The following EVI5 variants were observed in gnomAD, a reference collection of about 807,000 sequenced individuals.
EVI5 encodes ecotropic viral integration site 5.
In EVI5, 73 loss-of-function variants were observed where a neutral mutation model predicts 112.0. The ratio of observed to expected loss-of-function variants is 0.65; its 90% CI spans 0.54 to 0.79. EVI5 has a LOEUF of 0.79. Among genes scored for constraint, EVI5 ranks in the 30% least tolerant of loss-of-function variants. EVI5 has a pLI of 0.00. For missense variants in EVI5, 900 were observed against 968.8 expected (o/e 0.93, Z 0.94); for synonymous variants, 305 against 319.9 (o/e 0.95, Z 0.50).
rs199712285 is a variant in EVI5, at chr1:92,624,333, C to T, written c.1670G>A (p.Arg557His). 25 of 1,611,080 alleles carry T rather than the reference C, an allele frequency of 1.6e-5. No individual in the cohort carries two copies. Among genetic ancestry groups the T allele is most frequent in the Admixed American group, 3.4e-5 (2 of 59,402 alleles). The change falls in exon 16 of 20, where the codon CGC (arginine) becomes CAC (histidine). Residue 557 changes from arginine (R) to histidine (H), a missense_variant and splice_region_variant. Physicochemically the swap from Arg to His is conservative, Grantham distance 29 (BLOSUM62 0). Coordinates refer to ENST00000684568, the MANE Select transcript of EVI5 (RefSeq NM_001350197.2). ...TCTCCCAGTAGTACGAGCTAAGTGG[C>T]GCTAAAGCATAAAAAATTATATTGC... ...QVKDLEEHWQ[R>H]HLARTTGRWK...
At position 92,633,255 on chromosome 1, in the gene EVI5, C is replaced by T. The variant is rs183391100; in HGVS notation, c.1527+2947G>A. ...TTAACTTTCTGTCTCACTGATCTGT[C>T]TAATGTTGACAGTGGGGTGTTAAAG... On this transcript the variant is annotated intron_variant, in intron 14 of 19. Coordinates refer to ENST00000684568, the MANE Select transcript of EVI5 (RefSeq NM_001350197.2). 4.1e-3 allele frequency among the ~76,000 whole-genome samples: 624 copies of T among 152,256 alleles called. 2 individuals carry two copies. Among genetic ancestry groups the T allele is most frequent in the Non-Finnish European group, 5.6e-3 (384 of 68,034 alleles).
At chr1:92,626,691 T>C (rs1655747089) in intron 14 of EVI5, among the ~76,000 whole-genome samples, 1 of 152,308 alleles carries the variant, frequency 6.6e-6, no homozygotes, top group South Asian at 2.1e-4. Flanking sequence ...GAAATCTAAC[T>C]CTGATTTGTT....
rs140292439 is a variant in EVI5, at chr1:92,546,583, C to T, written c.2166+17059G>A. Among the ~76,000 whole-genome samples, 417 of 152,188 alleles carry T rather than the reference C, an allele frequency of 2.7e-3. 5 individuals are homozygous for T. The highest frequency in any genetic ancestry group is 9.0e-3 in the African/African-American group (372 of 41,504). On this transcript the variant is annotated intron_variant, in intron 19 of 19. Transcript: ENST00000684568. ...TGGTGGCACACGCATGTAATACCAG[C>T]TACTCAGGAGGCTGAGGCAGGAGAA...
chr1:92,787,081 A>G (rs1428610779), upstream of EVI5, among the ~76,000 whole-genome samples: 1 of 152,152 alleles, frequency 6.6e-6, no homozygotes. Flanking sequence ...TATATTGGTG[A>G]ATTTTTTACT....
intron 1 of EVI5, chr1:92,784,425 T>C (rs1421158532): frequency 4.1e-6 from 4 of 985,192 alleles, no homozygotes; most frequent in Middle Eastern, 5.2e-4. Flanking sequence ...ACGCCAACTT[T>C]GCAAGTCAGG....
intron 2 of EVI5, among the ~76,000 whole-genome samples, chr1:92,713,614 A>AGTGAAACCCCATCTCTACC (rs1298169321): frequency 2.4e-4 from 37 of 152,094 alleles, no homozygotes; most frequent in Admixed American, 1.5e-3. Context: ...CATCTCTACC[A>AGTGAAACCCCATCTCTACC]AAAACTACAA....
At chr1:92,588,138 C>A (rs542461608) in intron 18 of EVI5, among the ~76,000 whole-genome samples, 3 of 152,342 alleles carry the variant, frequency 2.0e-5, no homozygotes, top group African/African-American at 7.2e-5. Context: ...TTTTTAACCT[C>A]ATTTCCCTCC....
intron 9 of EVI5, among the ~76,000 whole-genome samples, chr1:92,679,646 T>C (rs1200366090): frequency 6.6e-6 from 1 of 152,208 alleles, no homozygotes; most frequent in Non-Finnish European, 1.5e-5. Flanking sequence ...TGGTACATTG[T>C]TATAATTAAT....
intron 1 of EVI5, among the ~76,000 whole-genome samples, chr1:92,777,100 C>T (rs1041660062): frequency 6.6e-6 from 1 of 152,044 alleles, no homozygotes; most frequent in Non-Finnish European, 1.5e-5. Flanking sequence ...CTGCACCCAG[C>T]CAATTTTTTG....
At chr1:92,542,048 C>T (rs199628713) in intron 19 of EVI5, among the ~76,000 whole-genome samples, 1 of 152,176 alleles carries the variant, frequency 6.6e-6, no homozygotes, top group East Asian at 1.9e-4. Flanking sequence ...GTTTGCTGCA[C>T]TTCCTCACTC....
At chr1:92,729,975 T>C (rs2102760731) in intron 2 of EVI5, among the ~76,000 whole-genome samples, 1 of 152,242 alleles carries the variant, frequency 6.6e-6, no homozygotes, top group Admixed American at 6.5e-5. Context: ...ATTATCAGAC[T>C]GAAAGAAGAA....
chr1:92,551,817 G>A (rs1210131028), intron 19 of EVI5, among the ~76,000 whole-genome samples: 2 of 151,908 alleles, frequency 1.3e-5, no homozygotes, highest in African/African-American at 4.9e-5. Flanking sequence ...CTACAGGCTT[G>A]ATAGTTAGCT....
intron 1 of EVI5, among the ~76,000 whole-genome samples, chr1:92,779,660 G>C (rs1292439880): frequency 1.3e-5 from 2 of 152,146 alleles, no homozygotes; most frequent in East Asian, 1.9e-4. Context: ...CTGCAAAAGG[G>C]AATACAATCA....
At chr1:92,628,640 A>G (rs17131644) in intron 14 of EVI5, among the ~76,000 whole-genome samples, 1,756 of 152,314 alleles carry the variant, frequency 0.012, 72 homozygotes, top group Admixed American at 0.079. Context: ...CCCAGTATCA[A>G]ACTTCTCTGG....
chr1:92,752,167 C>T (rs1680288664), intron 1 of EVI5, among the ~76,000 whole-genome samples: 1 of 151,966 alleles, frequency 6.6e-6, no homozygotes, highest in African/African-American at 2.4e-5. Context: ...TTCTCCTTAG[C>T]CCCTTAGTTG....
chr1:92,607,754 G>T (rs778576504), intron 16 of EVI5, 27 bp from the exon 17 acceptor site: 8 of 1,516,962 alleles, frequency 5.3e-6, no homozygotes, highest in Non-Finnish European at 7.1e-6. Context: ...TAAATACTGA[G>T]ACTATAGATA....
At chr1:92,666,105 G>C in intron 10 of EVI5, 113 bp from the exon 11 acceptor site, 1 of 639,748 alleles carries the variant, frequency 1.6e-6, no homozygotes, top group East Asian at 2.8e-5. Flanking sequence ...GGAGTCTAAG[G>C]AATGATTACA....
intron 1 of EVI5, among the ~76,000 whole-genome samples, chr1:92,753,475 AT>A (rs1169008271): frequency 1.3e-5 from 2 of 152,252 alleles, no homozygotes; most frequent in Non-Finnish European, 2.9e-5. Flanking sequence ...ATGAAATTAT[AT>A]TTTTTAACCC....
chr1:92,624,852 G>A (rs1433445075), intron 15 of EVI5, among the ~76,000 whole-genome samples: 1 of 152,158 alleles, frequency 6.6e-6, no homozygotes, highest in Non-Finnish European at 1.5e-5. Context: ...CCCAACTGGG[G>A]CAATTTTGCC....
Sources: gnomAD v4.1 joint callset for allele counts (sites outside exome capture counted in the v4.1 genomes callset) on GRCh38, gnomAD v4.1.1 for gene constraint, MANE v1.5 for transcripts, NCBI Gene and HGNC (gene_info 2026-07-23, HGNC 2026-07-21) for gene names.